Variants in GRAMD1B observed in about 807,000 individuals in gnomAD.
GRAMD1B encodes the protein GRAM domain containing 1B.
Under a neutral mutation model 99.7 loss-of-function variants are expected in GRAMD1B, and 37 were observed. That is an observed-to-expected ratio of 0.37 (90% CI 0.29 to 0.49). The LOEUF (loss-of-function observed/expected upper bound fraction) is 0.49, where lower values mean the gene tolerates loss of function less well. GRAMD1B is among the 20% of genes least tolerant of loss of function. GRAMD1B has a pLI of 0.98. For synonymous variants in GRAMD1B, 427 were observed against 387.6 expected (o/e 1.10, Z -1.19); for missense variants, 888 against 1,009.2 (o/e 0.88, Z 1.63).
Position 123,614,792 on chromosome 11 carries a change from C to T in GRAMD1B, c.2275C>T (p.His759Tyr), listed in dbSNP as rs781251456. 1 of 1,612,916 alleles carries T rather than the reference C, an allele frequency of 6.2e-7. No homozygotes were observed. The highest frequency in any genetic ancestry group is 1.1e-5 in the South Asian group (1 of 91,012). The change falls in exon 17 of 20, where the codon CAC becomes TAC. Residue 759 changes from histidine to tyrosine, a missense_variant. This residue lies in a region of GRAMD1B where 232 missense variants were observed against 261.7 expected (regional missense o/e 0.89). Transcript: ENST00000635736. Reference sequence around the variant, plus strand: ...CCCGGAGGACACCCCCAACGGTTTCCACCTGCAGAGCGTGTCCAAGCTGCT... The same window carrying T: ...CCCGGAGGACACCCCCAACGGTTTCTACCTGCAGAGCGTGTCCAAGCTGCT... The part of the protein sequence containing the change: ...HIPEDTPNGF[H>Y]LQSVSKLLLV...
intron 2 of GRAMD1B, among the ~76,000 whole-genome samples, chr11:123,523,989 G>A (rs953443342): frequency 1.3e-5 from 2 of 152,234 alleles, no homozygotes; most frequent in East Asian, 3.8e-4. Context: ...TGAAAACTCA[G>A]TATACCTTAT....
At chr11:123,498,141 C>T (rs1939505839) in intron 2 of GRAMD1B, among the ~76,000 whole-genome samples, 1 of 152,178 alleles carries the variant, frequency 6.6e-6, no homozygotes, top group Non-Finnish European at 1.5e-5. Context: ...AGTGAGCTCC[C>T]CTCTGGTCCA....
chr11:123,613,782 G>A (rs545044474), intron 16 of GRAMD1B, 124 bp downstream of exon 16: 100 of 680,184 alleles, frequency 1.5e-4, no homozygotes, highest in African/African-American at 9.3e-4. Context: ...TAATTTGAAC[G>A]TAAGTCACTA....
intron 2 of GRAMD1B, among the ~76,000 whole-genome samples, chr11:123,567,107 A>T (rs537543769): frequency 6.6e-6 from 1 of 152,190 alleles, no homozygotes; most frequent in South Asian, 2.1e-4. Flanking sequence ...CTGAAAAGGA[A>T]CCAGCATTCA....
chr11:123,593,997 C>T, intron 4 of GRAMD1B, 85 bp from the exon 5 acceptor site: 3 of 925,186 alleles, frequency 3.2e-6, no homozygotes, highest in South Asian at 1.3e-5. Context: ...TTTAAACACA[C>T]AAGCAAGTGC....
intron 1 of GRAMD1B, among the ~76,000 whole-genome samples, chr11:123,445,385 CA>C (rs1241409886): frequency 6.6e-6 from 1 of 152,170 alleles, no homozygotes; most frequent in African/African-American, 2.4e-5. Context: ...GATGGAATGG[CA>C]ACCGTAAAGG....
chr11:123,623,291 C>T lies in GRAMD1B; in HGVS notation c.*696C>T, dbSNP rs1398428860. On this transcript the variant is annotated 3_prime_UTR_variant, in exon 20 of 20. Coordinates refer to ENST00000635736, the MANE Select transcript of GRAMD1B (RefSeq NM_001387025.1). Reference sequence around the variant, plus strand: ...CCTCCGACCTGTGTAGGGTGTGGACCCAGTAAGGGCTGGGAATTTCTTACT... The same window carrying T: ...CCTCCGACCTGTGTAGGGTGTGGACTCAGTAAGGGCTGGGAATTTCTTACT... 1 of 152,058 alleles carries T rather than the reference C, an allele frequency of 6.6e-6. No homozygotes were observed. The highest frequency in any genetic ancestry group is 1.5e-5 in the Non-Finnish European group (1 of 68,032). The allele number at this position is 152,058 out of a possible 1,614,324, so 9.4% of individuals were successfully genotyped here.
chr11:123,594,918 G>A lies in GRAMD1B; in HGVS notation c.873+80G>A, dbSNP rs189132135. On this transcript the variant is annotated intron_variant, in intron 6 of 19. Coordinates refer to ENST00000635736, the MANE Select transcript of GRAMD1B (RefSeq NM_001387025.1). Reference sequence around the variant, plus strand: ...CTGCCCTCGCTTTCTTCCTTTTGCTGACTTCATGCTCTTCCCAAGCCTTTG... The same window carrying A: ...CTGCCCTCGCTTTCTTCCTTTTGCTAACTTCATGCTCTTCCCAAGCCTTTG... 3.8e-4 allele frequency: 295 copies of A among 779,332 alleles called. 1 individual carries two copies. Among genetic ancestry groups the A allele is most frequent in the South Asian group, 9.3e-4 (67 of 72,264 alleles). The allele number at this position is 779,332 out of a possible 1,614,324, so 48.3% of individuals were successfully genotyped here.
intron 7 of GRAMD1B, chr11:123,598,480 C>T (rs1314815725): frequency 1.8e-6 from 2 of 1,134,070 alleles, no homozygotes; most frequent in Non-Finnish European, 2.7e-6. Context: ...TAGATTTGGG[C>T]TTCTAGAAAA....
chr11:123,560,252 G>T, intron 2 of GRAMD1B: 12 of 1,082,788 alleles, frequency 1.1e-5, no homozygotes, highest in Non-Finnish European at 9.0e-6. Flanking sequence ...GCCTGTGCGC[G>T]TGCGTGCCTG....
rs545356448 is a variant in GRAMD1B at position 123,448,275 on chromosome 11, G to T, written c.374+17109G>T. On this transcript the variant is annotated intron_variant, in intron 1 of 19. Coordinates refer to ENST00000635736, the MANE Select transcript of GRAMD1B (RefSeq NM_001387025.1). The stretch of plus-strand genomic sequence containing the variant: ...CTATTTTTTTATTATTTTTTTTTGA[G>T]GCAGTCTTGCTCTGTTGCCCAGGCT... 3.3e-5 allele frequency among the ~76,000 whole-genome samples: 5 copies of T among 150,726 alleles called. No homozygotes were observed. The South Asian group carries it at 1.0e-3, about 32-fold the overall frequency.
intron 1 of GRAMD1B, among the ~76,000 whole-genome samples, chr11:123,453,451 A>G (rs533412647): frequency 6.6e-6 from 1 of 152,160 alleles, no homozygotes; most frequent in East Asian, 1.9e-4. Context: ...CAAGTAGCAG[A>G]AATTACAGGC....
intron 1 of GRAMD1B, among the ~76,000 whole-genome samples, chr11:123,476,511 C>A (rs891435374): frequency 1.3e-5 from 2 of 152,210 alleles, no homozygotes; most frequent in African/African-American, 2.4e-5. Context: ...ATACCCTATG[C>A]CTGTTGCCAC....
At chr11:123,457,009 G>A (rs1950161602) in intron 1 of GRAMD1B, among the ~76,000 whole-genome samples, 1 of 150,970 alleles carries the variant, frequency 6.6e-6, no homozygotes, top group Non-Finnish European at 1.5e-5. Flanking sequence ...GTACTCGGGA[G>A]GCTGAGATGG....
rs201851559 is a variant in GRAMD1B, at chr11:123,438,493, C to G, written c.374+7327C>G. ...GAAGCAGAGAGGTGTGAGGATGACC[C>G]TGTTGACGGTCTAGGTGGACTCCTC... On this transcript the variant is annotated intron_variant, in intron 1 of 19. Transcript: ENST00000635736. Among the ~76,000 whole-genome samples the G allele has an allele frequency of 1.1e-4, 17 of 152,186 alleles. No individual in the cohort carries two copies. The East Asian group carries it at 3.1e-3, about 28-fold the overall frequency.
chr11:123,381,139 C>T (rs1946859494), intron 1 of GRAMD1B, among the ~76,000 whole-genome samples: 1 of 152,172 alleles, frequency 6.6e-6, no homozygotes, highest in African/African-American at 2.4e-5. Context: ...TCCGCCAACT[C>T]CCTCTCCAAC....
chr11:123,406,380 A>G (rs1188037161), intron 1 of GRAMD1B, among the ~76,000 whole-genome samples: 13 of 151,858 alleles, frequency 8.6e-5, no homozygotes, highest in Non-Finnish European at 5.9e-5. Context: ...CAGCCTCCCG[A>G]GTAGCTGGGA....
chr11:123,435,870 C>T (rs558892149), intron 1 of GRAMD1B, among the ~76,000 whole-genome samples: 6 of 151,154 alleles, frequency 4.0e-5, no homozygotes, highest in Non-Finnish European at 8.8e-5. Context: ...AATATATTCA[C>T]AGCTATGTAC....
At position 123,619,227 on chromosome 11, in the gene GRAMD1B, G is replaced by T; in HGVS notation, c.2544+3G>T. The stretch of plus-strand genomic sequence containing the variant: ...CCTCAGTGATGCTCCTTGACCAGGT[G>T]AGATGCCCCACCTTCTCTGCTTGCC... On this transcript the variant is annotated splice_donor_region_variant and intron_variant, in intron 19 of 19. Coordinates refer to ENST00000635736, the MANE Select transcript of GRAMD1B (RefSeq NM_001387025.1). 6.4e-7 allele frequency: 1 copy of T among 1,554,694 alleles called. No individual in the cohort carries two copies.
Sources: allele counts gnomAD v4.1 joint callset (sites outside exome capture counted in the v4.1 genomes callset), GRCh38; gene constraint gnomAD v4.1.1; regional missense constraint gnomAD v4.1.1; transcripts MANE v1.5; gene names NCBI Gene and HGNC (gene_info 2026-07-23, HGNC 2026-07-21).